KIRREL1: variants seen among roughly 807,000 people sequenced by gnomAD.
KIRREL1 encodes the protein kin of IRRE-like protein 1.
In KIRREL1, 25 loss-of-function variants were observed where a neutral mutation model predicts 83.3. The ratio of observed to expected loss-of-function variants is 0.30; its 90% CI spans 0.22 to 0.42. KIRREL1 has a LOEUF of 0.42. Among genes scored for constraint, KIRREL1 ranks in the 10% least tolerant of loss-of-function variants. KIRREL1 has a pLI of 1.00. For synonymous variants in KIRREL1, 388 were observed against 410.4 expected, an observed-to-expected ratio of 0.95 and a Z score of 0.66; for missense variants, 812 against 1,032.3, an observed-to-expected ratio of 0.79 and a Z score of 2.92.
At chr1:158,009,946 A>C (rs535031444) in intron 1 of KIRREL1, among the ~76,000 whole-genome samples, 2 of 152,344 alleles carry the variant, frequency 1.3e-5, no homozygotes, top group South Asian at 4.1e-4. Flanking sequence ...GCAGTATGGA[A>C]AGAGCACTGG....
intron 1 of KIRREL1, among the ~76,000 whole-genome samples, chr1:158,021,288 A>G (rs918029227): frequency 8.5e-5 from 13 of 152,246 alleles, no homozygotes; most frequent in African/African-American, 1.7e-4. Flanking sequence ...TCACTGCACT[A>G]TATTGCAGAT....
intron 1 of KIRREL1, among the ~76,000 whole-genome samples, chr1:158,020,466 T>C (rs1017123047): frequency 6.6e-6 from 1 of 152,114 alleles, no homozygotes. Flanking sequence ...GTTTTAATCA[T>C]AGTGGGTTGT....
chr1:158,010,396 T>TACACACACACACACACACACACAC (rs56077512), intron 1 of KIRREL1, among the ~76,000 whole-genome samples: 2 of 44,590 alleles, frequency 4.5e-5, no homozygotes, highest in Non-Finnish European at 8.0e-5. Flanking sequence ...CACACATGCA[T>TACACACACACACACACACACACAC]ACACACACAC....
intron 1 of KIRREL1, 55 bp downstream of exon 1, chr1:157,993,783 C>T: frequency 8.1e-7 from 1 of 1,240,242 alleles, no homozygotes; most frequent in Non-Finnish European, 1.1e-6. Flanking sequence ...GGCCGGGGCA[C>T]TGCTTCCCCG....
chr1:158,089,567 C>T lies in KIRREL1; in HGVS notation c.1110C>T (p.Thr370=), dbSNP rs772707999. ...SVTQADAGTY[T]CRAIVPRIGV... ...CTCAGGCAGACGCTGGCACCTACAC[C>T]TGCCGGGCCATCGTGCCTCGAATCG... The change falls in exon 9 of 15, where the codon ACC becomes ACT. Residue 370 remains threonine, a synonymous_variant. Transcript: ENST00000359209. The T allele has an allele frequency of 3.7e-6, 6 of 1,614,056 alleles. No homozygotes were observed. Among genetic ancestry groups the T allele is most frequent in the Non-Finnish European group, 4.2e-6 (5 of 1,180,026 alleles).
intron 1 of KIRREL1, among the ~76,000 whole-genome samples, chr1:157,999,839 A>G (rs887937470): frequency 5.3e-5 from 8 of 152,280 alleles, no homozygotes; most frequent in Admixed American, 3.3e-4. Context: ...AGGAAAAATA[A>G]TGGGCTCTCT....
At chr1:158,064,296 TG>T (rs1661304094) in intron 1 of KIRREL1, among the ~76,000 whole-genome samples, 1 of 152,202 alleles carries the variant, frequency 6.6e-6, no homozygotes, top group African/African-American at 2.4e-5. Flanking sequence ...TTAACTGCCA[TG>T]GGGAAAAGGT....
intron 1 of KIRREL1, among the ~76,000 whole-genome samples, chr1:158,053,061 A>T (rs1198945847): frequency 6.6e-6 from 1 of 151,708 alleles, no homozygotes; most frequent in African/African-American, 2.4e-5. Flanking sequence ...TTACCCAAAC[A>T]CCTCCCACTA....
rs571582073 is a variant in KIRREL1, at chr1:158,096,777, G to A, written c.*1657G>A. 3 of 456,630 alleles carry A rather than the reference G, an allele frequency of 6.6e-6. No individual in the cohort carries two copies. The highest frequency in any genetic ancestry group is 1.3e-5 in the Non-Finnish European group (3 of 226,992). The allele number at this position is 456,630 out of a possible 1,614,324, so 28.3% of individuals were successfully genotyped here. A position where few individuals can be genotyped will look rare whatever the true frequency, so the allele number is the denominator to read the frequency against. On this transcript the variant is annotated 3_prime_UTR_variant, in exon 15 of 15. Coordinates refer to ENST00000359209, the MANE Select transcript of KIRREL1 (RefSeq NM_018240.7). ...CCCAGCCTCGCCTTCCTAAAAAGCA[G>A]TGTCTGGAGTTGGCTGTTTCCCGCC...
At position 158,096,544 on chromosome 1, in the gene KIRREL1, A is replaced by T. The variant is rs915222221; in HGVS notation, c.*1424A>T. ...GAGAGAGATGGGTGAGGGGACCTGG[A>T]GAGGTAAGGGGCCTGGAAATGGCCC... On this transcript the variant is annotated 3_prime_UTR_variant, in exon 15 of 15. Coordinates refer to ENST00000359209, the MANE Select transcript of KIRREL1 (RefSeq NM_018240.7). The T allele has an allele frequency of 6.6e-6, 3 of 456,636 alleles. No individual in the cohort carries two copies. Among genetic ancestry groups the T allele is most frequent in the Non-Finnish European group, 1.3e-5 (3 of 226,888 alleles). The allele number at this position is 456,636 out of a possible 1,614,324, so 28.3% of individuals were successfully genotyped here. A position where few individuals can be genotyped will look rare whatever the true frequency, so the allele number is the denominator to read the frequency against.
chr1:158,031,742 C>T (rs561507209), intron 1 of KIRREL1, among the ~76,000 whole-genome samples: 1 of 152,200 alleles, frequency 6.6e-6, no homozygotes, highest in African/African-American at 2.4e-5. Context: ...TTTGAGGGAT[C>T]CCAGTTGCTT....
intron 1 of KIRREL1, among the ~76,000 whole-genome samples, chr1:157,996,437 G>C (rs1659204499): frequency 6.6e-6 from 1 of 152,090 alleles, no homozygotes; most frequent in Non-Finnish European, 1.5e-5. Flanking sequence ...GGCCGGCTCG[G>C]GGAGGGAGCT....
chr1:158,092,166 C>A (rs928141356), intron 11 of KIRREL1, among the ~76,000 whole-genome samples: 4 of 152,196 alleles, frequency 2.6e-5, no homozygotes, highest in African/African-American at 9.7e-5. Flanking sequence ...AAAGTGTTCT[C>A]TCCTTTAAGG....
At chr1:158,071,138 C>T (rs1262493369) in intron 1 of KIRREL1, among the ~76,000 whole-genome samples, 1 of 152,200 alleles carries the variant, frequency 6.6e-6, no homozygotes. Flanking sequence ...GTCTTTGTCT[C>T]ACTGGCTCCT....
chr1:158,026,410 G>A (rs2101661588), intron 1 of KIRREL1, among the ~76,000 whole-genome samples: 1 of 152,280 alleles, frequency 6.6e-6, no homozygotes, highest in East Asian at 1.9e-4. Flanking sequence ...CCCCGTGGAG[G>A]ACCCACCACT....
At chr1:157,998,853 T>A (rs1659276510) in intron 1 of KIRREL1, among the ~76,000 whole-genome samples, 1 of 152,210 alleles carries the variant, frequency 6.6e-6, no homozygotes, top group Admixed American at 6.5e-5. Context: ...TACCAAAGCA[T>A]CAAAATTACC....
intron 1 of KIRREL1, among the ~76,000 whole-genome samples, chr1:158,021,648 A>G (rs1323115611): frequency 1.3e-5 from 2 of 152,222 alleles, no homozygotes; most frequent in Non-Finnish European, 2.9e-5. Flanking sequence ...TTTACTTTCT[A>G]TAACAGGTTA....
At chr1:158,047,042 A>T (rs542154744) in intron 1 of KIRREL1, among the ~76,000 whole-genome samples, 61 of 152,298 alleles carry the variant, frequency 4.0e-4, no homozygotes, top group African/African-American at 1.3e-3. Context: ...CTCCAGGGAT[A>T]TGTCATAACT....
At chr1:158,040,276 T>C (rs1488405447) in intron 1 of KIRREL1, among the ~76,000 whole-genome samples, 4 of 152,138 alleles carry the variant, frequency 2.6e-5, no homozygotes, top group Non-Finnish European at 4.4e-5. Flanking sequence ...CCTCTGACCA[T>C]ACATCTAACT....
Sources: allele counts gnomAD v4.1 joint callset (sites outside exome capture counted in the v4.1 genomes callset), GRCh38; gene constraint gnomAD v4.1.1; transcripts MANE v1.5; gene names NCBI Gene and HGNC (gene_info 2026-07-23, HGNC 2026-07-21).